The following C4orf50 variants were observed in gnomAD, a reference collection of about 807,000 sequenced individuals.
The protein encoded by C4orf50 is uncharacterized protein C4orf50.
Under a neutral mutation model 77.2 loss-of-function variants are expected in C4orf50, and 80 were observed. The observed-to-expected ratio is 1.04, with a 90% CI of 0.87 to 1.25. The LOEUF (loss-of-function observed/expected upper bound fraction) is 1.25. C4orf50 is among the 50% of genes most tolerant of loss of function. The pLI, the probability that C4orf50 is intolerant of heterozygous loss-of-function variation, is 0.00. For missense variants in C4orf50, 1,257 were observed against 1,152.9 expected (o/e 1.09, Z -1.31); for synonymous variants, 532 against 465.3 (o/e 1.14, Z -1.84).
rs1716494122 is a variant in C4orf50 at position 5,905,145 on chromosome 4, A to G, written c.*2475-6957T>C. 1 of 152,176 alleles carries G rather than the reference A, an allele frequency of 6.6e-6. No homozygotes were observed. The highest frequency in any genetic ancestry group is 1.5e-5 in the Non-Finnish European group (1 of 68,046). 9.4% of individuals were successfully genotyped at this position (152,176 alleles called of 1,614,324 possible). A position where few individuals can be genotyped will look rare whatever the true frequency, so the allele number is the denominator to read the frequency against. On this transcript the variant is annotated intron_variant, in intron 7 of 7. Transcript: ENST00000324058. This position sits in a 1 kb window ranked among gnomAD's most constrained non-coding sequence, Gnocchi z 5.4. ...GAAGGTAAGTTATTTGTGCACGGCGACCCAGCGTAGGAGCAGCAGAGCCGA... is the reference window on the plus strand; with the variant it reads ...GAAGGTAAGTTATTTGTGCACGGCGGCCCAGCGTAGGAGCAGCAGAGCCGA...
chr4:5,988,872 T>C (rs751240), exon 28 of C4orf50: 1,385,289 of 1,536,044 alleles, frequency 0.9, 625,854 homozygotes, highest in East Asian at 1. Flanking sequence ...CCGAGATCAG[T>C]GTCTGGAGCT....
At chr4:5,898,507 C>CA (rs1355171622) in intron 7 of C4orf50, 1 of 152,224 alleles carries the variant, frequency 6.6e-6, no homozygotes, top group Admixed American at 6.5e-5. Flanking sequence ...TCCAAGCTTG[C>CA]ACAGTTAGTC....
intron 25 of C4orf50, among the ~76,000 whole-genome samples, chr4:5,995,558 TCTC>T (rs1721538906): frequency 6.6e-6 from 1 of 150,838 alleles, no homozygotes; most frequent in Middle Eastern, 3.2e-3. Flanking sequence ...TGGGCACAGG[TCTC>T]CTCTGGGTTC....
chr4:5,969,357 G>A (rs972020895), intron 31 of C4orf50, among the ~76,000 whole-genome samples: 13 of 151,424 alleles, frequency 8.6e-5, no homozygotes, highest in African/African-American at 1.9e-4. Flanking sequence ...TTCTTCAATC[G>A]TCTGAGTATG....
rs1269569406 is a variant in C4orf50, at chr4:6,008,318, C to T, written c.641G>A (p.Arg214His). The change falls in exon 25 of 34, where the codon CGC becomes CAC. Residue 214 changes from arginine to histidine, a missense_variant. Transcript: ENST00000531445. The surrounding 1 kb of genome is among the most constrained non-coding windows in gnomAD (Gnocchi z 6.0). The stretch of plus-strand genomic sequence containing the variant: ...CTGGGCCAGCAGGAGGCCCGCGGCG[C>T]GGCAGAGGCGCCGCACGTTGCGCTC... 1 of 388,490 alleles carries T rather than the reference C, an allele frequency of 2.6e-6. No individual in the cohort carries two copies. The highest frequency in any genetic ancestry group is 4.6e-6 in the Non-Finnish European group (1 of 219,662). 24.1% of individuals were successfully genotyped at this position (388,490 alleles called of 1,614,324 possible). A position where few individuals can be genotyped will look rare whatever the true frequency, so the allele number is the denominator to read the frequency against.
chr4:5,898,234 C>G (rs1716208141), intron 7 of C4orf50: 1 of 152,250 alleles, frequency 6.6e-6, no homozygotes, highest in South Asian at 2.1e-4. Context: ...CATGCCTCTT[C>G]CCTGCCTCAC....
chr4:5,945,438 G>A (rs896279881), intron 7 of C4orf50, among the ~76,000 whole-genome samples: 2 of 152,198 alleles, frequency 1.3e-5, no homozygotes, highest in African/African-American at 4.8e-5. Flanking sequence ...CAGAGTGCCA[G>A]CACCCGGGAG....
intron 7 of C4orf50, among the ~76,000 whole-genome samples, chr4:5,914,715 G>T (rs995453907): frequency 1.4e-4 from 22 of 152,288 alleles, no homozygotes; most frequent in African/African-American, 4.1e-4. Flanking sequence ...TACTTAGAGG[G>T]TATAATGTCC....
chr4:5,907,919 G>A (rs895713757), intron 7 of C4orf50, among the ~76,000 whole-genome samples: 5 of 152,230 alleles, frequency 3.3e-5, no homozygotes, highest in African/African-American at 1.2e-4. Context: ...TGAGGCAGAG[G>A]AGAGTACTCT....
At chr4:6,013,259 T>G (rs774219798) in intron 23 of C4orf50, among the ~76,000 whole-genome samples, 1 of 152,172 alleles carries the variant, frequency 6.6e-6, no homozygotes, top group Non-Finnish European at 1.5e-5. Context: ...GTGAGGATCA[T>G]AACCAAGATC....
chr4:5,976,959 A>G lies in C4orf50; in HGVS notation c.3865-1004T>C, dbSNP rs566063164. ...GCCCTGAGGCCTTTGTGGGCCTGGC[A>G]CTGAATAGGACTGGCAGCTTCCACT... On this transcript the variant is annotated intron_variant, in intron 29 of 33. Transcript: ENST00000531445. Among the ~76,000 whole-genome samples the G allele has an allele frequency of 5.3e-5, 8 of 152,342 alleles. No individual in the cohort carries two copies. In the East Asian group the frequency reaches 1.5e-3, roughly 29 times the overall value.
chr4:5,994,211 C>A, intron 26 of C4orf50, 136 bp downstream of exon 4: 1 of 395,316 alleles, frequency 2.5e-6, no homozygotes. Flanking sequence ...CCTCTCTGAG[C>A]CTCGATTCTT....
rs922898764 is a variant in C4orf50, at chr4:6,008,208, C to T, written c.751G>A (p.Glu251Lys). The change falls in exon 25 of 34, where the codon GAG becomes AAG. Residue 251 changes from glutamate to lysine, a missense_variant. Coordinates refer to ENST00000531445, the Ensembl canonical transcript of C4orf50. This position sits in a 1 kb window ranked among gnomAD's most constrained non-coding sequence, Gnocchi z 6.0. The stretch of plus-strand genomic sequence containing the variant: ...CGCGCCGCCTCTTCCCGCTCGCGCT[C>T]GCTGCGCTCTGCCCTCGCCTGCAGG... The T allele has an allele frequency of 7.5e-6, 3 of 397,552 alleles. No homozygotes were observed. The highest frequency in any genetic ancestry group is 8.8e-5 in the Admixed American group (2 of 22,654). The allele number at this position is 397,552 out of a possible 1,614,324, so 24.6% of individuals were successfully genotyped here. A position where few individuals can be genotyped will look rare whatever the true frequency, so the allele number is the denominator to read the frequency against.
At chr4:5,942,096 A>T (rs1718293542) in intron 7 of C4orf50, among the ~76,000 whole-genome samples, 1 of 152,198 alleles carries the variant, frequency 6.6e-6, no homozygotes, top group African/African-American at 2.4e-5. Context: ...CCAGCTGCCT[A>T]AGGAAGCTTT....
At chr4:6,005,880 G>C (rs772075595) in intron 25 of C4orf50, among the ~76,000 whole-genome samples, 12 of 151,886 alleles carry the variant, frequency 7.9e-5, no homozygotes, top group Non-Finnish European at 1.0e-4. Context: ...GCAGTTCCCC[G>C]GGGCCACTGG....
chr4:5,898,910 A>T (rs925324881), intron 7 of C4orf50: 1 of 152,244 alleles, frequency 6.6e-6, no homozygotes, highest in African/African-American at 2.4e-5. Flanking sequence ...ATTACTCAAT[A>T]CATTACATTT....
In C4orf50 at chr4:6,018,461, A is replaced by G; in HGVS notation, c.-30T>C. On this transcript the variant is annotated 5_prime_UTR_variant, in exon 23 of 34. Transcript: ENST00000531445. This position sits in a 1 kb window ranked among gnomAD's most constrained non-coding sequence, Gnocchi z 5.1. The stretch of plus-strand genomic sequence containing the variant: ...GAAATATTTCATGGGGCAAGACTTA[A>G]TAATAAAATTAAGTGAGTTTGCAAC... The G allele has an allele frequency of 5.0e-6, 2 of 398,944 alleles. No homozygotes were observed. Among genetic ancestry groups the G allele is most frequent in the Non-Finnish European group, 8.8e-6 (2 of 226,058 alleles). 24.7% of individuals were successfully genotyped at this position (398,944 alleles called of 1,614,324 possible).
At chr4:5,942,219 G>C (rs778068801) in intron 7 of C4orf50, among the ~76,000 whole-genome samples, 1 of 152,104 alleles carries the variant, frequency 6.6e-6, no homozygotes, top group Admixed American at 6.5e-5. Context: ...AACAATCAAC[G>C]CCAGACAAAT....
At chr4:6,006,745 G>T (rs1280180728) in intron 25 of C4orf50, among the ~76,000 whole-genome samples, 1 of 152,168 alleles carries the variant, frequency 6.6e-6, no homozygotes, top group Non-Finnish European at 1.5e-5. Context: ...ATGCAAACCA[G>T]GAAGGGACCC....
Sources: allele counts gnomAD v4.1 joint callset (sites outside exome capture counted in the v4.1 genomes callset), GRCh38; gene constraint gnomAD v4.1.1; non-coding constraint Gnocchi (gnomAD v3.1); transcripts MANE v1.5; gene names NCBI Gene and HGNC (gene_info 2026-07-23, HGNC 2026-07-21).